The following PPP2R5C variants were observed in gnomAD, a reference collection of about 807,000 sequenced individuals.
The protein encoded by PPP2R5C is protein phosphatase 2 regulatory subunit B'gamma, also known as serine/threonine-protein phosphatase 2A 56 kDa regulatory subunit gamma isoform.
Under a neutral mutation model 68.9 loss-of-function variants are expected in PPP2R5C, and 7 were observed. The ratio of observed to expected loss-of-function variants is 0.10; its 90% confidence interval spans 0.06 to 0.19. The LOEUF (loss-of-function observed/expected upper bound fraction) is 0.19. Among genes scored for constraint, PPP2R5C ranks in the 10% least tolerant of loss-of-function variants. The pLI, the probability that PPP2R5C is intolerant of heterozygous loss-of-function variation, is 1.00. For synonymous variants in PPP2R5C, 210 were observed against 222.2 expected (o/e 0.95, Z 0.49); for missense variants, 348 against 641.3 (o/e 0.54, Z 4.94).
intron 1 of PPP2R5C, chr14:101,836,382 C>T (rs1380486564): frequency 7.1e-6 from 5 of 702,120 alleles, no homozygotes; most frequent in Admixed American, 2.0e-5. Flanking sequence ...CCTCTACTCC[C>T]GACCTGCCAA....
At chr14:101,925,282 C>A (rs1278822517) in exon 14 of PPP2R5C, 1 of 1,611,472 alleles carries the variant, frequency 6.2e-7, no homozygotes, top group Non-Finnish European at 8.5e-7. Context: ...GCCTCCGGGG[C>A]GCCGCGTCGG....
intron 2 of PPP2R5C, among the ~76,000 whole-genome samples, chr14:101,771,172 AG>A (rs1351868928): frequency 3.3e-5 from 5 of 151,588 alleles, no homozygotes; most frequent in African/African-American, 1.2e-4. Context: ...TAAGCTCTCC[AG>A]AAGGGGAAAA....
intron 3 of PPP2R5C, among the ~76,000 whole-genome samples, chr14:101,800,651 CAA>C (rs201617260): frequency 4.7e-4 from 58 of 124,360 alleles, no homozygotes; most frequent in East Asian, 9.1e-4. Flanking sequence ...TTAGCAATAC[CAA>C]AAAAAAAAAA....
rs1208315522 is a variant in PPP2R5C, at chr14:101,781,604, A to C, written c.94-4414A>C. Among the ~76,000 whole-genome samples the C allele has an allele frequency of 6.6e-6, 1 of 151,694 alleles. No homozygotes were observed. The highest frequency in any genetic ancestry group is 1.5e-5 in the Non-Finnish European group (1 of 67,926). ...TGTTGTCTGTCCCGGCCTTCCAAGG[A>C]GACCCTTAGCTCCCGCCGGCCGCCT... On this transcript the variant is annotated intron_variant, in intron 2 of 14. Transcript: ENST00000328724. This position sits in a 1 kb window ranked among gnomAD's most constrained non-coding sequence, Gnocchi z 6.4.
At position 101,873,924 on chromosome 14, in the gene PPP2R5C, A is replaced by G. The variant is rs1424840160; in HGVS notation, c.295-8237A>G. ...TTGTCTGAAATCCAGTGTCTTGAAA[A>G]CCGTAATTTTATATATTTTTGCCCA... On this transcript the variant is annotated intron_variant, in intron 2 of 13. Coordinates refer to ENST00000334743, the Ensembl canonical transcript of PPP2R5C. Among the ~76,000 whole-genome samples the G allele has an allele frequency of 2.0e-5, 3 of 151,948 alleles. No homozygotes were observed. In the East Asian group the frequency reaches 5.8e-4, roughly 29 times the overall value.
chr14:101,913,399 A>G lies in PPP2R5C; in HGVS notation c.1326+926A>G, dbSNP rs1477579249. ...TACATGAATATAAAGTTAAAAGTAT[A>G]TCTTTACCTATATAACAACATACTG... On this transcript the variant is annotated intron_variant, in intron 12 of 13. Transcript: ENST00000334743. The surrounding 1 kb of genome is among the most constrained non-coding windows in gnomAD (Gnocchi z 4.1). Among the ~76,000 whole-genome samples the G allele has an allele frequency of 6.6e-6, 1 of 152,258 alleles. No individual in the cohort carries two copies. The highest frequency in any genetic ancestry group is 6.5e-5 in the Admixed American group (1 of 15,290).
intron 2 of PPP2R5C, among the ~76,000 whole-genome samples, chr14:101,867,721 T>A (rs776729684): frequency 1.3e-5 from 2 of 152,074 alleles, no homozygotes; most frequent in African/African-American, 2.4e-5. Flanking sequence ...GAGGTTGCAG[T>A]GAGCCAAGAT....
chr14:101,809,147 T>C (rs1015541712), upstream of PPP2R5C, among the ~76,000 whole-genome samples: 5 of 152,224 alleles, frequency 3.3e-5, no homozygotes. Flanking sequence ...TTTTTTTGCT[T>C]TCTTACTCCC....
intron 6 of PPP2R5C, 34 bp downstream of exon 8, chr14:101,890,330 G>C: frequency 6.3e-7 from 1 of 1,591,968 alleles, no homozygotes; most frequent in Non-Finnish European, 8.6e-7. Flanking sequence ...AACGGCTGTA[G>C]ATGGAATTTA....
In PPP2R5C at chr14:101,906,301, T is replaced by C; in HGVS notation, c.1024-101T>C. 1 of 1,273,270 alleles carries C rather than the reference T, an allele frequency of 7.9e-7. No individual in the cohort carries two copies. Among genetic ancestry groups the C allele is most frequent in the Non-Finnish European group, 1.1e-6 (1 of 932,288 alleles). 78.9% of individuals were successfully genotyped at this position (1,273,270 alleles called of 1,614,324 possible). Reference sequence around the variant, plus strand: ...TGTAGAAATAATCATAATTTTCTGGTCCAAGGTAGTTCATTACCCGACTCA... The same window carrying C: ...TGTAGAAATAATCATAATTTTCTGGCCCAAGGTAGTTCATTACCCGACTCA... On this transcript the variant is annotated intron_variant, in intron 9 of 13. Coordinates refer to ENST00000334743, the Ensembl canonical transcript of PPP2R5C. This position sits in a 1 kb window ranked among gnomAD's most constrained non-coding sequence, Gnocchi z 4.0.
At chr14:101,868,172 A>C (rs2043194883) in intron 2 of PPP2R5C, among the ~76,000 whole-genome samples, 1 of 152,234 alleles carries the variant, frequency 6.6e-6, no homozygotes, top group South Asian at 2.1e-4. Context: ...GGGATAGTAC[A>C]TTGACCAATG....
chr14:101,865,032 G>A (rs572802028), intron 2 of PPP2R5C, among the ~76,000 whole-genome samples: 7 of 152,258 alleles, frequency 4.6e-5, no homozygotes, highest in African/African-American at 1.2e-4. Flanking sequence ...AACACGATTC[G>A]GGGTGGATTT....
At chr14:101,910,660 A>G (rs561605037) in intron 11 of PPP2R5C, among the ~76,000 whole-genome samples, 29 of 151,726 alleles carry the variant, frequency 1.9e-4, no homozygotes, top group South Asian at 8.4e-4. Flanking sequence ...GTGAAACCCC[A>G]TCTCTACTAA....
chr14:101,817,185 T>C (rs972320402), intron 1 of PPP2R5C, among the ~76,000 whole-genome samples: 1 of 151,930 alleles, frequency 6.6e-6, no homozygotes, highest in East Asian at 1.9e-4. Flanking sequence ...CTCGATCTCC[T>C]GACCTCGTGT....
At chr14:101,875,478 GT>G (rs1457181946) in intron 2 of PPP2R5C, among the ~76,000 whole-genome samples, 2 of 152,158 alleles carry the variant, frequency 1.3e-5, no homozygotes, top group Admixed American at 6.5e-5. Flanking sequence ...CAGTTTCCAG[GT>G]AATTAATTGG....
chr14:101,847,277 G>T (rs951651831), intron 1 of PPP2R5C, among the ~76,000 whole-genome samples: 3 of 152,308 alleles, frequency 2.0e-5, no homozygotes, highest in East Asian at 1.9e-4. Flanking sequence ...ATTATCAATT[G>T]TTCTCGTTTT....
chr14:101,799,396 T>C (rs1050097421), intron 3 of PPP2R5C, among the ~76,000 whole-genome samples: 1 of 152,174 alleles, frequency 6.6e-6, no homozygotes, highest in Non-Finnish European at 1.5e-5. Context: ...TATCTGACGC[T>C]GGCTTCTCTA....
rs558205756 is a variant in PPP2R5C, at chr14:101,832,567, G to T, written c.94+22531G>T. ...GGGTGGGCGACTCTGGGTTCCACCT[G>T]GGGAATCTGTTCCGAAGACACCTTC... On this transcript the variant is annotated intron_variant, in intron 1 of 13. Transcript: ENST00000334743. Among the ~76,000 whole-genome samples, 8 of 152,302 alleles carry T rather than the reference G, an allele frequency of 5.3e-5. No individual in the cohort carries two copies. The South Asian group carries it at 1.7e-3, about 32-fold the overall frequency.
chr14:101,856,827 A>G (rs371037967), exon 2 of PPP2R5C: 1 of 1,614,186 alleles, frequency 6.2e-7, no homozygotes, highest in Non-Finnish European at 8.5e-7. Context: ...ATGGTAGAAT[A>G]TATCACCCAT....
Sources: allele counts gnomAD v4.1 joint callset (sites outside exome capture counted in the v4.1 genomes callset), GRCh38; gene constraint gnomAD v4.1.1; non-coding constraint Gnocchi (gnomAD v3.1); transcripts MANE v1.5; gene names NCBI Gene and HGNC (gene_info 2026-07-23, HGNC 2026-07-21).